The following MAD1L1 variants were observed in gnomAD, a reference collection of about 807,000 sequenced individuals.
The protein encoded by MAD1L1 is mitotic arrest deficient 1 like 1, also known as mitotic spindle assembly checkpoint protein MAD1.
Under a neutral mutation model 96.9 loss-of-function variants are expected in MAD1L1, and 95 were observed. The observed-to-expected ratio is 0.98, with a 90% CI of 0.83 to 1.16. The LOEUF (loss-of-function observed/expected upper bound fraction) is 1.16. MAD1L1 is among the 50% of genes most tolerant of loss of function. MAD1L1 has a pLI of 0.00. For synonymous variants in MAD1L1, 473 were observed against 396.6 expected (o/e 1.19, Z -2.29); for missense variants, 1,007 against 954.4 (o/e 1.06, Z -0.73).
intron 14 of MAD1L1, among the ~76,000 whole-genome samples, chr7:1,998,014 C>G (rs1019466539): frequency 7.9e-5 from 12 of 152,128 alleles, no homozygotes; most frequent in Non-Finnish European, 1.2e-4. Context: ...AGCTTGGGGC[C>G]CAGGCATTAG....
intron 10 of MAD1L1, among the ~76,000 whole-genome samples, chr7:2,159,384 G>A (rs78774333): frequency 6.8e-4 from 104 of 152,260 alleles, no homozygotes; most frequent in African/African-American, 2.5e-3. Context: ...TGCCTGCGTG[G>A]CCTGCCCCCT....
chr7:1,876,641 C>G (rs1301795049), intron 18 of MAD1L1, among the ~76,000 whole-genome samples: 1 of 151,630 alleles, frequency 6.6e-6, no homozygotes, highest in Admixed American at 6.6e-5. Flanking sequence ...TTAAAACTTT[C>G]CATGGCAAAA....
At chr7:2,026,244 A>G (rs1562618427) in intron 12 of MAD1L1, among the ~76,000 whole-genome samples, 1 of 152,188 alleles carries the variant, frequency 6.6e-6, no homozygotes, top group Non-Finnish European at 1.5e-5. Flanking sequence ...TCATAATAAC[A>G]AAAGGCAAAA....
chr7:1,961,501 T>C (rs1219632444), intron 15 of MAD1L1, among the ~76,000 whole-genome samples: 1 of 152,136 alleles, frequency 6.6e-6, no homozygotes, highest in African/African-American at 2.4e-5. Flanking sequence ...CTTCAACAAA[T>C]GGTTCTGGAA....
At chr7:2,043,168 C>G (rs568425278) in intron 12 of MAD1L1, among the ~76,000 whole-genome samples, 1 of 152,182 alleles carries the variant, frequency 6.6e-6, no homozygotes. Flanking sequence ...AAGTCAGCCA[C>G]GAAGACACTT....
intron 18 of MAD1L1, among the ~76,000 whole-genome samples, chr7:1,825,441 T>C (rs1477670467): frequency 6.6e-6 from 1 of 152,222 alleles, no homozygotes; most frequent in African/African-American, 2.4e-5. Context: ...CCCAGCCAGC[T>C]GGTTGGGGTG....
chr7:1,829,107 G>A (rs1482708851), intron 18 of MAD1L1, among the ~76,000 whole-genome samples: 3 of 152,254 alleles, frequency 2.0e-5, no homozygotes, highest in Non-Finnish European at 2.9e-5. Flanking sequence ...TTGGGCGTGG[G>A]CTGTGGGGCG....
chr7:2,046,816 C>G (rs1333622293), intron 12 of MAD1L1, among the ~76,000 whole-genome samples: 1 of 152,204 alleles, frequency 6.6e-6, no homozygotes, highest in Non-Finnish European at 1.5e-5. Context: ...AGGGCTAGAC[C>G]TTGCCCAGAC....
intron 11 of MAD1L1, among the ~76,000 whole-genome samples, chr7:2,141,551 A>G (rs1789032057): frequency 6.6e-6 from 1 of 152,188 alleles, no homozygotes; most frequent in Non-Finnish European, 1.5e-5. Flanking sequence ...GACTGGAGGA[A>G]CAAGAAGGCA....
Position 2,082,966 on chromosome 7 carries a change from G to T in MAD1L1, c.1074-13628C>A, listed in dbSNP as rs1278823004. 3.3e-5 allele frequency among the ~76,000 whole-genome samples: 5 copies of T among 152,340 alleles called. No individual in the cohort carries two copies. The East Asian group carries it at 9.7e-4, about 29-fold the overall frequency. On this transcript the variant is annotated intron_variant, in intron 11 of 18. Coordinates refer to ENST00000265854, the MANE Select transcript of MAD1L1 (RefSeq NM_001013836.2). Reference sequence around the variant, plus strand: ...CCGTTAGGTGTGGCACCTTCATGGGGCCTCTGCTGTCTCTCGCGCTGCAGG... The same window carrying T: ...CCGTTAGGTGTGGCACCTTCATGGGTCCTCTGCTGTCTCTCGCGCTGCAGG...
chr7:1,965,029 C>G (rs1179335663), intron 15 of MAD1L1, among the ~76,000 whole-genome samples: 1 of 152,222 alleles, frequency 6.6e-6, no homozygotes, highest in Non-Finnish European at 1.5e-5. Flanking sequence ...GCCTTGACCA[C>G]CACACTTCAC....
chr7:2,184,784 C>G (rs1211517521), intron 10 of MAD1L1, among the ~76,000 whole-genome samples: 1 of 151,932 alleles, frequency 6.6e-6, no homozygotes, highest in Non-Finnish European at 1.5e-5. Context: ...GGCGGATCAC[C>G]TGAAGTCAGA....
rs980969662 is a variant in MAD1L1, at chr7:2,114,475, G to A, written c.1073+34677C>T. ...CATCTTTCCTGAAAGAGACAATTGC[G>A]AGAAATGAAAGCCTGGCTGCCGGGA... On this transcript the variant is annotated intron_variant, in intron 11 of 18. Transcript: ENST00000265854. This position sits in a 1 kb window ranked among gnomAD's most constrained non-coding sequence, Gnocchi z 4.2. 2.0e-5 allele frequency among the ~76,000 whole-genome samples: 3 copies of A among 152,234 alleles called. No individual in the cohort carries two copies. The highest frequency in any genetic ancestry group is 2.9e-5 in the Non-Finnish European group (2 of 68,050).
chr7:2,108,937 C>T (rs950667210), intron 11 of MAD1L1, among the ~76,000 whole-genome samples: 3 of 152,248 alleles, frequency 2.0e-5, no homozygotes, highest in Admixed American at 1.3e-4. Flanking sequence ...AGGGCCCCCG[C>T]GAGGGCTCGC....
At chr7:1,917,579 T>C (rs1480300259) in intron 17 of MAD1L1, among the ~76,000 whole-genome samples, 3 of 152,210 alleles carry the variant, frequency 2.0e-5, no homozygotes, top group Non-Finnish European at 4.4e-5. Context: ...TGTGAAGAAA[T>C]CCCTAATTGG....
intron 10 of MAD1L1, among the ~76,000 whole-genome samples, chr7:2,167,076 G>T (rs1039422563): frequency 6.6e-6 from 1 of 152,222 alleles, no homozygotes; most frequent in Non-Finnish European, 1.5e-5. Context: ...CAACCCCGCT[G>T]TGGACAGTGG....
rs1163762586 is a variant in MAD1L1, at chr7:2,114,450, C to G, written c.1073+34702G>C. Among the ~76,000 whole-genome samples the G allele has an allele frequency of 6.6e-6, 1 of 152,218 alleles. No individual in the cohort carries two copies. Among genetic ancestry groups the G allele is most frequent in the Non-Finnish European group, 1.5e-5 (1 of 68,040 alleles). On this transcript the variant is annotated intron_variant, in intron 11 of 18. Transcript: ENST00000265854. The surrounding 1 kb of genome is among the most constrained non-coding windows in gnomAD (Gnocchi z 4.2). ...GGCCACAAAGTGTATGGTCCTAGGG[C>G]ATCTTTCCTGAAAGAGACAATTGCG...
chr7:1,914,607 T>C (rs1160878594), intron 17 of MAD1L1, among the ~76,000 whole-genome samples: 1 of 151,820 alleles, frequency 6.6e-6, no homozygotes, highest in Non-Finnish European at 1.5e-5. Flanking sequence ...GATCACATCG[T>C]GTTGAGTTTT....
At chr7:2,121,092 C>T (rs536754250) in intron 11 of MAD1L1, among the ~76,000 whole-genome samples, 60 of 152,322 alleles carry the variant, frequency 3.9e-4, no homozygotes, top group African/African-American at 1.3e-3. Context: ...AGGACACTCC[C>T]GGCGCAGGCT....
Sources: gnomAD v4.1 joint callset for allele counts (sites outside exome capture counted in the v4.1 genomes callset) on GRCh38, gnomAD v4.1.1 for gene constraint, Gnocchi (gnomAD v3.1) non-coding constraint, MANE v1.5 for transcripts, NCBI Gene and HGNC (gene_info 2026-07-23, HGNC 2026-07-21) for gene names.